PATJ: variants seen among roughly 807,000 people sequenced by gnomAD.
The protein encoded by PATJ is inaD-like protein.
PATJ carries 190 observed loss-of-function variants against 224.9 expected under a neutral mutation model. The ratio of observed to expected loss-of-function variants is 0.84; its 90% confidence interval spans 0.75 to 0.95. The LOEUF is 0.95. Among genes scored for constraint, PATJ ranks in the 40% least tolerant of loss-of-function variants. The pLI, the probability that PATJ is intolerant of heterozygous loss-of-function variation, is 0.00. For missense variants in PATJ, 2,121 were observed against 2,270.3 expected (o/e 0.93, Z 1.34); for synonymous variants, 769 against 820.3 (o/e 0.94, Z 1.07).
At chr1:61,837,513 G>A (rs1373713417) in intron 17 of PATJ, among the ~76,000 whole-genome samples, 1 of 152,138 alleles carries the variant, frequency 6.6e-6, no homozygotes, top group Non-Finnish European at 1.5e-5. Context: ...AAGAGACCAG[G>A]CGCAGTGGCT....
rs747578635 is a variant in PATJ, at chr1:61,775,210, G to C, written c.725G>C (p.Cys242Ser). 3.2e-5 allele frequency: 52 copies of C among 1,608,144 alleles called. No individual in the cohort carries two copies. Among genetic ancestry groups the C allele is most frequent in the Middle Eastern group, 1.7e-4 (1 of 6,052 alleles). The stretch of plus-strand genomic sequence containing the variant: ...TTATTTGCCATTAATTTGTAGGTTT[G>C]TTGGGGCCATGTTGAAGAGGTTGAG... Reference protein sequence around the residue: ...LNDTTLPETVCWGHVEEVELI... With the variant: ...LNDTTLPETVSWGHVEEVELI... Residue 242 changes from cysteine (C) to serine (S), a missense_variant, in exon 7 of 44, where the codon TGT (cysteine) becomes TCT (serine). By Grantham distance (112) the Cys-to-Ser change is moderately radical (BLOSUM62 -1). Transcript: ENST00000642238.
intron 17 of PATJ, 122 bp downstream of exon 17, chr1:61,833,907 A>G: frequency 1.3e-6 from 1 of 761,078 alleles, no homozygotes; most frequent in Non-Finnish European, 2.1e-6. Context: ...AAGATGGGAT[A>G]TTATACTACT....
intron 20 of PATJ, among the ~76,000 whole-genome samples, chr1:61,873,028 AAAACAAAATTCACATTTTGTTTTGAAC>A: frequency 6.6e-6 from 1 of 152,302 alleles, no homozygotes; most frequent in East Asian, 1.9e-4. Context: ...GACCATTTTC[AAAACAAAATTCACATTTTGTTTTGAAC>A]AACCAAAATT....
At chr1:62,106,158 G>GTGTGTGTGTA (rs1356937495) in intron 33 of PATJ, among the ~76,000 whole-genome samples, 1 of 48,060 alleles carries the variant, frequency 2.1e-5, no homozygotes, top group Non-Finnish European at 4.4e-5. Flanking sequence ...GTGTGTGTGT[G>GTGTGTGTGTA]TATATATATA....
At chr1:62,068,387 G>T (rs1656836158) in intron 31 of PATJ, among the ~76,000 whole-genome samples, 1 of 152,294 alleles carries the variant, frequency 6.6e-6, no homozygotes, top group South Asian at 2.1e-4. Flanking sequence ...AGCCTCAGAG[G>T]TGGTTGGAAC....
At chr1:61,920,971 G>A (rs1471349500) in intron 26 of PATJ, among the ~76,000 whole-genome samples, 1 of 152,102 alleles carries the variant, frequency 6.6e-6, no homozygotes, top group Non-Finnish European at 1.5e-5. Context: ...CTCCCAAAGT[G>A]CTGGGATTAC....
intron 26 of PATJ, among the ~76,000 whole-genome samples, chr1:61,926,973 C>T (rs1371975744): frequency 6.6e-6 from 1 of 152,122 alleles, no homozygotes; most frequent in Non-Finnish European, 1.5e-5. Context: ...TTCTTTTTAG[C>T]AGCTTGAGTC....
chr1:62,034,990 G>T lies in PATJ; in HGVS notation c.3960-2987G>T, dbSNP rs146913832. 2.1e-3 allele frequency among the ~76,000 whole-genome samples: 317 copies of T among 152,300 alleles called. 2 individuals carry two copies. The highest frequency in any genetic ancestry group is 3.5e-3 in the Non-Finnish European group (235 of 68,028). ...ATTACTGCCAAGTATACTCTGCGCTGTGAGTTCCAGATCTACAGCAGACAT... is the reference window on the plus strand; with the variant it reads ...ATTACTGCCAAGTATACTCTGCGCTTTGAGTTCCAGATCTACAGCAGACAT... On this transcript the variant is annotated intron_variant, in intron 29 of 43. Transcript: ENST00000642238.
intron 31 of PATJ, among the ~76,000 whole-genome samples, chr1:62,054,739 C>T (rs547547595): frequency 9.2e-5 from 14 of 152,218 alleles, no homozygotes; most frequent in Non-Finnish European, 1.8e-4. Flanking sequence ...CATCTATAAT[C>T]TCATTGGCTT....
chr1:61,868,826 T>G (rs576595899), intron 20 of PATJ, among the ~76,000 whole-genome samples: 1 of 152,176 alleles, frequency 6.6e-6, no homozygotes, highest in South Asian at 2.1e-4. Context: ...CTTATAGATA[T>G]ATGTCTCGGA....
At chr1:62,081,897 A>G (rs1292816099) in intron 32 of PATJ, among the ~76,000 whole-genome samples, 1 of 152,228 alleles carries the variant, frequency 6.6e-6, no homozygotes, top group East Asian at 1.9e-4. Flanking sequence ...TAAAGCACCC[A>G]TGAAAGTGTG....
At chr1:61,864,775 A>G (rs1570969730) in intron 20 of PATJ, 142 bp downstream of exon 20, 1 of 660,204 alleles carries the variant, frequency 1.5e-6, no homozygotes, top group Non-Finnish European at 2.5e-6. Context: ...TGTGTCATCC[A>G]GTGTCTAGCT....
chr1:62,109,040 G>T lies in PATJ; in HGVS notation c.4461+520G>T, dbSNP rs576722956. ...TATGATGCTTACTAAAAATTGAAATGCTTAACTTTTTCAAATTGACTCTCA... is the reference window on the plus strand; with the variant it reads ...TATGATGCTTACTAAAAATTGAAATTCTTAACTTTTTCAAATTGACTCTCA... On this transcript the variant is annotated intron_variant, in intron 34 of 43. Transcript: ENST00000642238. Among the ~76,000 whole-genome samples, 5 of 152,228 alleles carry T rather than the reference G, an allele frequency of 3.3e-5. No homozygotes were observed. The South Asian group carries it at 8.3e-4, about 25-fold the overall frequency.
intron 27 of PATJ, among the ~76,000 whole-genome samples, chr1:61,976,639 C>CTCAGGTA (rs1644148042): frequency 6.6e-6 from 1 of 151,888 alleles, no homozygotes; most frequent in Admixed American, 6.6e-5. Context: ...AGCTTCTGAC[C>CTCAGGTA]TCAGGTAATC....
chr1:62,084,131 G>A (rs1054238140), intron 32 of PATJ, among the ~76,000 whole-genome samples: 25 of 152,182 alleles, frequency 1.6e-4, no homozygotes, highest in Non-Finnish European at 2.8e-4. Flanking sequence ...GTGGGTGCCT[G>A]TAATCCCAGC....
At position 61,787,986 on chromosome 1, in the gene PATJ, T is replaced by C. The variant is rs745387250; in HGVS notation, c.1068+14T>C. On this transcript the variant is annotated intron_variant, in intron 8 of 43. Transcript: ENST00000642238. Reference sequence around the variant, plus strand: ...GGCCCTGGTTCTGTGAGTATACATATCATTCTTTCATCTTAAACCAAAGCC... The same window carrying C: ...GGCCCTGGTTCTGTGAGTATACATACCATTCTTTCATCTTAAACCAAAGCC... The C allele has an allele frequency of 6.3e-7, 1 of 1,592,184 alleles. No homozygotes were observed. The highest frequency in any genetic ancestry group is 8.6e-7 in the Non-Finnish European group (1 of 1,162,226).
chr1:62,113,931 G>A (rs560965436), intron 34 of PATJ, 122 bp from the exon 35 acceptor site: 51 of 907,256 alleles, frequency 5.6e-5, no homozygotes, highest in African/African-American at 4.6e-4. Flanking sequence ...CTACCTGTTT[G>A]CCTTGAGATT....
rs1369812901 is a variant in PATJ, at chr1:62,148,335, T to C, written c.5323T>C (p.Ser1775Pro). ...SAIAAQLENMSTGYHLGSPTA... is the reference protein window; with the variant it reads ...SAIAAQLENMPTGYHLGSPTA... ...CATAGCAGCTCAGCTTGAAAACATG[T>C]CTACAGGCTACCACCTTGGTTCGCC... Residue 1775 changes from serine to proline, a missense_variant, in exon 42 of 44, where the codon TCT becomes CCT. Ser to Pro is a moderately conservative substitution (Grantham distance 74). Coordinates refer to ENST00000642238, the MANE Select transcript of PATJ (RefSeq NM_001350145.3). The C allele has an allele frequency of 1.9e-6, 3 of 1,613,952 alleles. No homozygotes were observed. Among genetic ancestry groups the C allele is most frequent in the Admixed American group, 3.3e-5 (2 of 59,966 alleles).
intron 24 of PATJ, among the ~76,000 whole-genome samples, chr1:61,903,366 G>A (rs551049379): frequency 1.3e-5 from 2 of 152,198 alleles, no homozygotes; most frequent in Non-Finnish European, 2.9e-5. Context: ...TTCAGCTTGA[G>A]GAATCGAAGA....
Sources: gnomAD v4.1 joint callset for allele counts (sites outside exome capture counted in the v4.1 genomes callset) on GRCh38, gnomAD v4.1.1 for gene constraint, MANE v1.5 for transcripts, NCBI Gene and HGNC (gene_info 2026-07-23, HGNC 2026-07-21) for gene names.